The following FRMD4A variants were observed in gnomAD, a reference collection of about 807,000 sequenced individuals.
FRMD4A encodes FERM domain-containing protein 4A.
A neutral mutation model predicts 129.1 loss-of-function variants in FRMD4A; 29 were observed. That is an observed-to-expected ratio of 0.22 (90% CI 0.17 to 0.31). FRMD4A has a LOEUF of 0.31. FRMD4A is among the 10% of genes least tolerant of loss of function. FRMD4A has a pLI of 1.00. For synonymous variants in FRMD4A, 634 were observed against 571.6 expected (o/e 1.11, Z -1.56); for missense variants, 1,272 against 1,375.8 (o/e 0.92, Z 1.19).
At chr10:13,737,090 T>A (rs536617880) in intron 12 of FRMD4A, among the ~76,000 whole-genome samples, 2 of 149,934 alleles carry the variant, frequency 1.3e-5, no homozygotes, top group East Asian at 2.2e-4. Context: ...ATTTTTCAGC[T>A]TTTCTGTTTT....
intron 2 of FRMD4A, among the ~76,000 whole-genome samples, chr10:13,959,808 G>A (rs1202636535): frequency 6.6e-6 from 1 of 152,190 alleles, no homozygotes; most frequent in Non-Finnish European, 1.5e-5. Context: ...GGGGTCAGCT[G>A]CAATTTGCCC....
intron 21 of FRMD4A, among the ~76,000 whole-genome samples, chr10:13,657,773 G>A (rs2082292610): frequency 6.9e-6 from 1 of 144,378 alleles, no homozygotes; most frequent in Non-Finnish European, 1.5e-5. Context: ...CTCACAGAAA[G>A]GTTTCGATTT....
intron 3 of FRMD4A, among the ~76,000 whole-genome samples, chr10:13,820,409 C>T (rs1369183593): frequency 6.6e-6 from 1 of 152,120 alleles, no homozygotes; most frequent in East Asian, 1.9e-4. Context: ...GGCAGGCGGG[C>T]CTTGGTCTCA....
intron 6 of FRMD4A, among the ~76,000 whole-genome samples, chr10:13,774,146 C>T (rs976242431): frequency 4.6e-5 from 7 of 152,228 alleles, no homozygotes; most frequent in Non-Finnish European, 1.0e-4. Context: ...TCCTCCTGCT[C>T]CACCGGAAGC....
chr10:13,663,665 T>C (rs1166806911), intron 18 of FRMD4A, among the ~76,000 whole-genome samples, 156 bp from the exon 19 acceptor site: 1 of 152,198 alleles, frequency 6.6e-6, no homozygotes, highest in African/African-American at 2.4e-5. Flanking sequence ...GGTGTTTCTT[T>C]TGTCAGTCCC....
At chr10:13,946,264 ATCTT>A (rs1249594503) in intron 2 of FRMD4A, among the ~76,000 whole-genome samples, 1 of 152,212 alleles carries the variant, frequency 6.6e-6, no homozygotes, top group Non-Finnish European at 1.5e-5. Context: ...GAACGCAAGA[ATCTT>A]TCTGATGCCC....
At chr10:13,694,090 A>C in intron 14 of FRMD4A, 51 bp from the exon 15 acceptor site, 1 of 1,467,786 alleles carries the variant, frequency 6.8e-7, no homozygotes, top group Non-Finnish European at 9.0e-7. Flanking sequence ...CCTTGCGGAA[A>C]GGACAGTCAT....
chr10:13,975,026 T>C (rs2095536599), intron 2 of FRMD4A, among the ~76,000 whole-genome samples: 1 of 152,070 alleles, frequency 6.6e-6, no homozygotes, highest in Non-Finnish European at 1.5e-5. Context: ...TGTCTGTGCG[T>C]GTCTGAGTAT....
chr10:13,696,151 T>C (rs959466002), intron 14 of FRMD4A, among the ~76,000 whole-genome samples: 1 of 152,232 alleles, frequency 6.6e-6, no homozygotes, highest in Non-Finnish European at 1.5e-5. Context: ...TCCTTGTTCA[T>C]AAAACAATCC....
At chr10:14,288,442 G>A (rs954615607) in intron 2 of FRMD4A, among the ~76,000 whole-genome samples, 2 of 152,088 alleles carry the variant, frequency 1.3e-5, no homozygotes, top group African/African-American at 4.8e-5. Context: ...GACTTACCAC[G>A]GTCTAAAGAA....
Position 13,645,400 on chromosome 10 carries a change from TACC to T in FRMD4A, c.*1635_*1637del, listed in dbSNP as rs1433558293. 7.6e-6 allele frequency: 1 copy of T among 131,156 alleles called. No homozygotes were observed. The highest frequency in any genetic ancestry group is 1.6e-5 in the Non-Finnish European group (1 of 63,580). The allele number at this position is 131,156 out of a possible 1,614,324, so 8.1% of individuals were successfully genotyped here. On this transcript the variant is annotated 3_prime_UTR_variant, in exon 25 of 25. Coordinates refer to ENST00000357447, the MANE Select transcript of FRMD4A (RefSeq NM_018027.5). ...CACCACTTGCGCCAAAAGCACAGCA[TACC>T]ACCTCTGCGGAAACCTTTTTGTGCC... is the stretch of plus-strand genomic sequence containing the variant.
intron 4 of FRMD4A, among the ~76,000 whole-genome samples, chr10:13,807,911 G>T (rs916914667): frequency 6.6e-6 from 1 of 150,534 alleles, no homozygotes; most frequent in Non-Finnish European, 1.5e-5. Flanking sequence ...CGATTCTTCT[G>T]CCTCAGCCTC....
chr10:13,835,751 T>C (rs934856940), intron 3 of FRMD4A, among the ~76,000 whole-genome samples: 2 of 152,110 alleles, frequency 1.3e-5, no homozygotes, highest in Non-Finnish European at 2.9e-5. Flanking sequence ...TGGTAAGTTG[T>C]AGAATTATTT....
rs531064046 is a variant in FRMD4A, at chr10:13,913,455, A to G, written c.46-54543T>C. 1.3e-4 allele frequency among the ~76,000 whole-genome samples: 20 copies of G among 152,316 alleles called. 1 individual carries two copies. The South Asian group carries it at 4.1e-3, about 32-fold the overall frequency. ...GGTTTGTGAATTAGATCTCAATAAT[A>G]ACAATAAACATAAGCATCCTGCTTT... On this transcript the variant is annotated intron_variant, in intron 2 of 24. Transcript: ENST00000357447.
chr10:13,779,311 A>G (rs2092680779), intron 6 of FRMD4A, among the ~76,000 whole-genome samples: 1 of 105,298 alleles, frequency 9.5e-6, no homozygotes, highest in Admixed American at 1.1e-4. Flanking sequence ...GTGAGACTCC[A>G]TCTCCAAGAA....
chr10:13,795,196 A>T (rs1313308265), intron 5 of FRMD4A, among the ~76,000 whole-genome samples: 1 of 152,166 alleles, frequency 6.6e-6, no homozygotes, highest in East Asian at 1.9e-4. Flanking sequence ...CCTGCCTGAT[A>T]CCACCTGCCC....
Position 14,315,072 on chromosome 10 carries a change from C to G in FRMD4A, c.45+14986G>C, listed in dbSNP as rs893369587. 5.3e-5 allele frequency among the ~76,000 whole-genome samples: 8 copies of G among 151,838 alleles called. No homozygotes were observed. In the South Asian group the frequency reaches 1.7e-3, roughly 32 times the overall value. On this transcript the variant is annotated intron_variant, in intron 2 of 24. Transcript: ENST00000357447. ...CGACAAATTATATTCTCTTGGAATTCTAGTTACCTTTCTGACTGTTCCTTT... is the reference window on the plus strand; with the variant it reads ...CGACAAATTATATTCTCTTGGAATTGTAGTTACCTTTCTGACTGTTCCTTT...
intron 12 of FRMD4A, among the ~76,000 whole-genome samples, chr10:13,719,109 C>A (rs2089162358): frequency 6.6e-6 from 1 of 152,200 alleles, no homozygotes; most frequent in African/African-American, 2.4e-5. Context: ...CCTCTGTCTG[C>A]TCGACTCCAT....
chr10:14,071,459 T>G (rs1381214478), intron 2 of FRMD4A, among the ~76,000 whole-genome samples: 1 of 152,188 alleles, frequency 6.6e-6, no homozygotes, highest in East Asian at 1.9e-4. Context: ...TAGGATGAAT[T>G]ACATTTAAAA....
Sources: gnomAD v4.1 joint callset for allele counts (sites outside exome capture counted in the v4.1 genomes callset) on GRCh38, gnomAD v4.1.1 for gene constraint, MANE v1.5 for transcripts, NCBI Gene and HGNC (gene_info 2026-07-23, HGNC 2026-07-21) for gene names.